NNT: variants seen among roughly 807,000 people sequenced by gnomAD.
The protein encoded by NNT is NAD(P) transhydrogenase, mitochondrial.
In NNT, 50 loss-of-function variants were observed where a neutral mutation model predicts 104.8. The ratio of observed to expected loss-of-function variants is 0.48; its 90% CI spans 0.38 to 0.60. The LOEUF (loss-of-function observed/expected upper bound fraction) is 0.60, where lower values mean the gene tolerates loss of function less well. Among genes scored for constraint, NNT ranks in the 20% least tolerant of loss-of-function variants. The pLI is 0.00. For synonymous variants in NNT, 461 were observed against 490.4 expected, an observed-to-expected ratio of 0.94 and a Z score of 0.79; for missense variants, 1,131 against 1,330.7, an observed-to-expected ratio of 0.85 and a Z score of 2.33.
chr5:43,654,498 G>A (rs997468508), intron 14 of NNT, among the ~76,000 whole-genome samples: 7 of 152,182 alleles, frequency 4.6e-5, no homozygotes, highest in African/African-American at 7.2e-5. Context: ...TGAAGTTCTC[G>A]CATACATTCT....
At chr5:43,665,975 C>T (rs1039124986) in intron 17 of NNT, among the ~76,000 whole-genome samples, 8 of 151,750 alleles carry the variant, frequency 5.3e-5, no homozygotes, top group South Asian at 2.1e-4. Flanking sequence ...CCGGCAGAGG[C>T]GCTCTTCACA....
intron 7 of NNT, among the ~76,000 whole-genome samples, chr5:43,631,604 G>A (rs962103246): frequency 6.6e-6 from 1 of 152,160 alleles, no homozygotes; most frequent in Non-Finnish European, 1.5e-5. Flanking sequence ...TAAAGAGCTA[G>A]GGATAATTTG....
At position 43,645,382 on chromosome 5, in the gene NNT, C is replaced by T; in HGVS notation, c.1316C>T (p.Pro439Leu). 1 of 1,554,844 alleles carries T rather than the reference C, an allele frequency of 6.4e-7. No individual in the cohort carries two copies. Among genetic ancestry groups the T allele is most frequent in the Non-Finnish European group, 8.7e-7 (1 of 1,149,064 alleles). The change falls in exon 10 of 22, where the codon CCC (proline) becomes CTC (leucine). Residue 439 changes from proline to leucine, a missense_variant. Coordinates refer to ENST00000344920, the MANE Select transcript of NNT (RefSeq NM_182977.3). ...MKDGKVIFPA[P>L]TPKNIPQGAP... Reference sequence around the variant, plus strand: ...GATGGTAAAGTGATTTTCCCAGCTCCCACACCGAAAAATATTCCTCAAGGT... The same window carrying T: ...GATGGTAAAGTGATTTTCCCAGCTCTCACACCGAAAAATATTCCTCAAGGT...
intron 10 of NNT, 51 bp downstream of exon 10, chr5:43,645,561 TTATA>T (rs71974629): frequency 1.1e-5 from 12 of 1,136,400 alleles, no homozygotes; most frequent in Admixed American, 2.9e-5. Flanking sequence ...ATTTTGCAAG[TTATA>T]TATATATATA....
intron 10 of NNT, 148 bp from the exon 11 acceptor site, chr5:43,648,999 C>A: frequency 2.2e-6 from 2 of 897,726 alleles, no homozygotes; most frequent in Non-Finnish European, 3.5e-6. Context: ...CACTTCTCAA[C>A]TGTCAAATGT....
At chr5:43,700,056 T>C in intron 19 of NNT, 63 bp from the exon 20 acceptor site, 2 of 1,249,810 alleles carry the variant, frequency 1.6e-6, no homozygotes, top group East Asian at 2.4e-5. Flanking sequence ...GGAGGTGATA[T>C]TGGGGTCTCT....
intron 7 of NNT, among the ~76,000 whole-genome samples, chr5:43,639,611 C>T (rs996152135): frequency 6.6e-6 from 1 of 152,080 alleles, no homozygotes; most frequent in African/African-American, 2.4e-5. Flanking sequence ...TTTTCTTCCT[C>T]CATCCACCCT....
At chr5:43,673,934 C>A (rs563167083) in intron 17 of NNT, among the ~76,000 whole-genome samples, 1 of 151,736 alleles carries the variant, frequency 6.6e-6, no homozygotes, top group East Asian at 2.0e-4. Context: ...GCAGGAAAAT[C>A]TCTTGAACCC....
intron 19 of NNT, among the ~76,000 whole-genome samples, chr5:43,689,194 T>C (rs1742137288): frequency 6.6e-6 from 1 of 152,198 alleles, no homozygotes; most frequent in African/African-American, 2.4e-5. Flanking sequence ...CTTTGAGAGT[T>C]GTCTATTCAT....
intron 2 of NNT, among the ~76,000 whole-genome samples, chr5:43,611,590 G>A (rs1749502344): frequency 6.6e-6 from 1 of 152,098 alleles, no homozygotes; most frequent in African/African-American, 2.4e-5. Context: ...AGCATTATTT[G>A]CCTTTCGTGT....
At chr5:43,642,296 C>A (rs180752301) in intron 7 of NNT, among the ~76,000 whole-genome samples, 18 of 152,226 alleles carry the variant, frequency 1.2e-4, no homozygotes, top group African/African-American at 4.3e-4. Flanking sequence ...GCCATATGAT[C>A]CATAGCTTTA....
rs1743031005 is a variant in NNT at position 43,704,717 on chromosome 5, C to T, written c.*313C>T. On this transcript the variant is annotated 3_prime_UTR_variant, in exon 22 of 22. Transcript: ENST00000344920. ...TCCTGTTGGATTTTTTATGCCTCCT[C>T]AGTAACCAGAAATGTTTTAAAAAAC... 1 of 236,340 alleles carries T rather than the reference C, an allele frequency of 4.2e-6. No homozygotes were observed. Among genetic ancestry groups the T allele is most frequent in the African/African-American group, 2.3e-5 (1 of 43,022 alleles). The allele number at this position is 236,340 out of a possible 1,614,324, so 14.6% of individuals were successfully genotyped here. A position where few individuals can be genotyped will look rare whatever the true frequency, so the allele number is the denominator to read the frequency against.
Position 43,707,059 on chromosome 5 carries a change from T to G in NNT, c.*2655T>G, listed in dbSNP as rs1341732619. ...GGGTGCAGCACACCAACATGGCACA[T>G]GTATACATATGTAGCAAACCTGCAC... On this transcript the variant is annotated 3_prime_UTR_variant, in exon 22 of 22. Coordinates refer to ENST00000344920, the MANE Select transcript of NNT (RefSeq NM_182977.3). 1 of 151,932 alleles carries G rather than the reference T, an allele frequency of 6.6e-6. No individual in the cohort carries two copies. Among genetic ancestry groups the G allele is most frequent in the African/African-American group, 2.4e-5 (1 of 41,316 alleles). The allele number at this position is 151,932 out of a possible 1,614,324, so 9.4% of individuals were successfully genotyped here.
intron 4 of NNT, among the ~76,000 whole-genome samples, chr5:43,617,356 G>T (rs1340130903): frequency 6.6e-6 from 1 of 152,180 alleles, no homozygotes; most frequent in Non-Finnish European, 1.5e-5. Flanking sequence ...GCAGGATTGT[G>T]CAGAAACATT....
intron 5 of NNT, among the ~76,000 whole-genome samples, chr5:43,620,121 C>T (rs572679531): frequency 6.6e-6 from 1 of 152,242 alleles, no homozygotes. Context: ...CATGAGTTTT[C>T]GTGGGAACAA....
At chr5:43,638,041 TC>T (rs1751031665) in intron 7 of NNT, among the ~76,000 whole-genome samples, 1 of 152,126 alleles carries the variant, frequency 6.6e-6, no homozygotes, top group Admixed American at 6.6e-5. Flanking sequence ...GGGGGCAGTT[TC>T]CCCCATCCTG....
rs913622481 is a variant in NNT at position 43,606,405 on chromosome 5, C to T, written c.-53-2738C>T. On this transcript the variant is annotated intron_variant, in intron 1 of 21. Transcript: ENST00000344920. ...GGGTTTTGAATGTGTAGCTGAATTT[C>T]GAACTAATTTTCTCTTTATTCTCAG... Among the ~76,000 whole-genome samples the T allele has an allele frequency of 8.5e-5, 13 of 152,130 alleles. No homozygotes were observed. The East Asian group carries it at 1.2e-3, about 14-fold the overall frequency.
At chr5:43,691,585 A>C (rs1402289766) in intron 19 of NNT, among the ~76,000 whole-genome samples, 1 of 152,230 alleles carries the variant, frequency 6.6e-6, no homozygotes, top group African/African-American at 2.4e-5. Context: ...CTCTGAGTTA[A>C]TTTGAAATGT....
At chr5:43,624,835 C>A (rs1473671345) in intron 6 of NNT, among the ~76,000 whole-genome samples, 1 of 152,082 alleles carries the variant, frequency 6.6e-6, no homozygotes, top group Non-Finnish European at 1.5e-5. Flanking sequence ...AAAATGTAGT[C>A]ATTTATTATC....
Sources: gnomAD v4.1 joint callset for allele counts (sites outside exome capture counted in the v4.1 genomes callset) on GRCh38, gnomAD v4.1.1 for gene constraint, MANE v1.5 for transcripts, NCBI Gene and HGNC (gene_info 2026-07-23, HGNC 2026-07-21) for gene names.